Variants in PTPRD observed in about 807,000 individuals in gnomAD.
PTPRD encodes protein tyrosine phosphatase receptor type D.
PTPRD carries 34 observed loss-of-function variants against 214.5 expected under a neutral mutation model. That is an observed-to-expected ratio of 0.16 (90% CI 0.12 to 0.21). PTPRD has a LOEUF of 0.21. Among genes scored for constraint, PTPRD ranks in the 10% least tolerant of loss-of-function variants. The pLI, the probability that PTPRD is intolerant of heterozygous loss-of-function variation, is 1.00. For synonymous variants in PTPRD, 1,128 were observed against 845.7 expected (o/e 1.33, Z -5.79); for missense variants, 2,545 against 2,398.7 (o/e 1.06, Z -1.27).
intron 11 of PTPRD, among the ~76,000 whole-genome samples, chr9:8,895,981 A>T (rs1268221452): frequency 3.9e-5 from 6 of 152,172 alleles, no homozygotes; most frequent in African/African-American, 1.4e-4. Flanking sequence ...AAAAATCCTT[A>T]AAAAATCAAG....
chr9:8,943,519 T>G (rs938477382), intron 11 of PTPRD, among the ~76,000 whole-genome samples: 1 of 151,692 alleles, frequency 6.6e-6, no homozygotes, highest in African/African-American at 2.4e-5. Context: ...GAACATACAC[T>G]GTGGAAAGGA....
chr9:8,788,227 C>G (rs1480933123), intron 11 of PTPRD, among the ~76,000 whole-genome samples: 1 of 146,850 alleles, frequency 6.8e-6, no homozygotes, highest in Non-Finnish European at 1.5e-5. Flanking sequence ...AAAACATAGC[C>G]AAATATTTTT....
At chr9:9,688,608 A>T (rs1233120125) in intron 7 of PTPRD, among the ~76,000 whole-genome samples, 3 of 151,914 alleles carry the variant, frequency 2.0e-5, no homozygotes, top group African/African-American at 7.2e-5. Flanking sequence ...TGCGTGAGTG[A>T]TGAGGAAATG....
At chr9:10,202,481 G>GAAA (rs58186376) in intron 3 of PTPRD, among the ~76,000 whole-genome samples, 1 of 143,024 alleles carries the variant, frequency 7.0e-6, no homozygotes. Flanking sequence ...TAAATAAAAT[G>GAAA]AAAAAAAAAA....
intron 10 of PTPRD, among the ~76,000 whole-genome samples, chr9:9,031,247 G>T (rs866833757): frequency 6.0e-5 from 9 of 150,674 alleles, no homozygotes; most frequent in South Asian, 2.1e-4. Flanking sequence ...TTGGCACCTA[G>T]TAGACTGTCA....
In PTPRD at chr9:8,940,280, C is replaced by CTTTTTTTTTT. The variant is rs34342718; in HGVS notation, c.-104+78407_-104+78416dup. On this transcript the variant is annotated intron_variant, in intron 11 of 45. Coordinates refer to ENST00000381196, the MANE Select transcript of PTPRD (RefSeq NM_002839.4). The stretch of plus-strand genomic sequence containing the variant: ...TCACACATCTCTCTCTCTCTCTCTC[C>CTTTTTTTTTT]TTTTTTTTTTTTTTTTTTTTGAGAT... Among the ~76,000 whole-genome samples the CTTTTTTTTTT allele has an allele frequency of 8.3e-4, 74 of 89,044 alleles. 8 individuals carry two copies. Among genetic ancestry groups the CTTTTTTTTTT allele is most frequent in the African/African-American group, 2.5e-3 (57 of 22,902 alleles). 58.4% of individuals were successfully genotyped at this position (89,044 alleles called of 152,430 possible). A position where few individuals can be genotyped will look rare whatever the true frequency, so the allele number is the denominator to read the frequency against.
chr9:10,405,398 T>G (rs1409958240), intron 2 of PTPRD, among the ~76,000 whole-genome samples: 1 of 151,668 alleles, frequency 6.6e-6, no homozygotes, highest in Non-Finnish European at 1.5e-5. Context: ...AAAGTAAACT[T>G]TCTGGTCCTG....
intron 11 of PTPRD, among the ~76,000 whole-genome samples, chr9:8,758,691 C>T (rs75279642): frequency 7.9e-5 from 12 of 151,816 alleles, no homozygotes; most frequent in South Asian, 2.1e-4. Context: ...TAAAATTCTA[C>T]GCAATATGCT....
chr9:8,795,305 C>G lies in PTPRD; in HGVS notation c.-103-61359G>C, dbSNP rs547639631. Among the ~76,000 whole-genome samples the G allele has an allele frequency of 2.6e-5, 4 of 152,190 alleles. No individual in the cohort carries two copies. In the East Asian group the frequency reaches 7.7e-4, roughly 29 times the overall value. On this transcript the variant is annotated intron_variant, in intron 11 of 45. Coordinates refer to ENST00000381196, the MANE Select transcript of PTPRD (RefSeq NM_002839.4). ...TCAGCCTCCCAAGTAGCTGGGATCA[C>G]AGGCACCACTACTACTCCCAGATAA...
At chr9:9,304,512 T>C (rs1314681419) in intron 9 of PTPRD, among the ~76,000 whole-genome samples, 1 of 152,042 alleles carries the variant, frequency 6.6e-6, no homozygotes, top group Non-Finnish European at 1.5e-5. Context: ...TTTAAGGATG[T>C]GGAACTTGGA....
At chr9:9,157,453 G>C (rs2099882206) in intron 10 of PTPRD, among the ~76,000 whole-genome samples, 1 of 152,052 alleles carries the variant, frequency 6.6e-6, no homozygotes, top group Non-Finnish European at 1.5e-5. Context: ...TGATAAGACA[G>C]AAATTCAAAG....
At position 9,244,137 on chromosome 9, in the gene PTPRD, G is replaced by A. The variant is rs541953487; in HGVS notation, c.-202-60774C>T. Among the ~76,000 whole-genome samples the A allele has an allele frequency of 2.6e-5, 4 of 152,154 alleles. No individual in the cohort carries two copies. In the East Asian group the frequency reaches 7.7e-4, roughly 29 times the overall value. On this transcript the variant is annotated intron_variant, in intron 9 of 45. Coordinates refer to ENST00000381196, the MANE Select transcript of PTPRD (RefSeq NM_002839.4). The stretch of plus-strand genomic sequence containing the variant: ...AACCACTGCTCTACAAAATAAAAGA[G>A]GATACAAACAAATGGAAGAACATTC...
chr9:8,618,917 T>A (rs1341433548), intron 14 of PTPRD, among the ~76,000 whole-genome samples: 3 of 10,834 alleles, frequency 2.8e-4, no homozygotes, highest in Admixed American at 2.4e-3. Flanking sequence ...TTTTTTTGTT[T>A]TTTTTTTTTT....
At chr9:8,724,048 G>C (rs896047728) in intron 12 of PTPRD, among the ~76,000 whole-genome samples, 3 of 152,142 alleles carry the variant, frequency 2.0e-5, no homozygotes, top group Admixed American at 2.0e-4. Context: ...GTCTTTTGTA[G>C]TAAGGCACTG....
At chr9:9,983,557 G>C (rs2095612953) in intron 4 of PTPRD, among the ~76,000 whole-genome samples, 1 of 152,154 alleles carries the variant, frequency 6.6e-6, no homozygotes, top group Non-Finnish European at 1.5e-5. Flanking sequence ...TATGTATAGA[G>C]CCATTAGGCA....
chr9:8,449,933 A>G (rs767854841), intron 33 of PTPRD, 96 bp from the exon 34 acceptor site: 14 of 1,208,632 alleles, frequency 1.2e-5, no homozygotes, highest in Non-Finnish European at 1.6e-5. Flanking sequence ...CCACCTCCCA[A>G]GTTTTCAGTT....
chr9:10,444,167 TAG>T (rs1325719751), intron 2 of PTPRD, among the ~76,000 whole-genome samples: 1 of 151,822 alleles, frequency 6.6e-6, no homozygotes, highest in Non-Finnish European at 1.5e-5. Flanking sequence ...CAGCTTATGT[TAG>T]GTGACTGTAT....
chr9:9,664,838 T>C lies in PTPRD; in HGVS notation c.-287+69695A>G, dbSNP rs561110245. On this transcript the variant is annotated intron_variant, in intron 7 of 45. Coordinates refer to ENST00000381196, the MANE Select transcript of PTPRD (RefSeq NM_002839.4). ...AAGCCTCTATCCCAGAAAGCTTTTCTGGAAGCTGGTAACCTTTAGCTTCCT... is the reference window on the plus strand; with the variant it reads ...AAGCCTCTATCCCAGAAAGCTTTTCCGGAAGCTGGTAACCTTTAGCTTCCT... Among the ~76,000 whole-genome samples, 9 of 151,832 alleles carry C rather than the reference T, an allele frequency of 5.9e-5. No homozygotes were observed. The South Asian group carries it at 1.7e-3, about 28-fold the overall frequency.
chr9:10,392,610 C>G (rs147741872), intron 2 of PTPRD, among the ~76,000 whole-genome samples: 1 of 151,752 alleles, frequency 6.6e-6, no homozygotes, highest in African/African-American at 2.4e-5. Context: ...GATGGCTACA[C>G]AATATAATAT....
Sources: gnomAD v4.1 joint callset for allele counts (sites outside exome capture counted in the v4.1 genomes callset) on GRCh38, gnomAD v4.1.1 for gene constraint, MANE v1.5 for transcripts, NCBI Gene and HGNC (gene_info 2026-07-23, HGNC 2026-07-21) for gene names.